The following HMBOX1 variants were observed in gnomAD, a reference collection of about 807,000 sequenced individuals.
HMBOX1 encodes the protein homeobox-containing protein 1.
A neutral mutation model predicts 54.5 loss-of-function variants in HMBOX1; 14 were observed. The ratio of observed to expected loss-of-function variants is 0.26; its 90% CI spans 0.17 to 0.40. The LOEUF is 0.40. Among genes scored for constraint, HMBOX1 ranks in the 10% least tolerant of loss-of-function variants. HMBOX1 has a pLI of 1.00. For synonymous variants in HMBOX1, 160 were observed against 181.0 expected (o/e 0.88, Z 0.93); for missense variants, 332 against 514.4 (o/e 0.65, Z 3.43).
intron 1 of HMBOX1, among the ~76,000 whole-genome samples, chr8:28,953,577 T>C (rs1000749037): frequency 2.0e-5 from 3 of 152,132 alleles, no homozygotes; most frequent in Admixed American, 1.3e-4. Context: ...TTTTTTTTTT[T>C]CCAGTGGTTA....
intron 1 of HMBOX1, among the ~76,000 whole-genome samples, chr8:28,909,689 C>CA (rs576665919): frequency 1.8e-4 from 27 of 148,158 alleles, no homozygotes; most frequent in Admixed American, 1.4e-3. Context: ...CTATGAAGAC[C>CA]AAAAAAAAAT....
At chr8:28,966,401 T>G (rs1416447577) in intron 2 of HMBOX1, among the ~76,000 whole-genome samples, 1 of 152,222 alleles carries the variant, frequency 6.6e-6, no homozygotes, top group Non-Finnish European at 1.5e-5. Flanking sequence ...ATTGTTGGCC[T>G]GAGTCTGCAT....
At chr8:28,988,463 G>C (rs142512894) in intron 4 of HMBOX1, among the ~76,000 whole-genome samples, 1 of 152,294 alleles carries the variant, frequency 6.6e-6, no homozygotes, top group East Asian at 1.9e-4. Context: ...TGGGATTGTG[G>C]GGTTGTTGGT....
intron 1 of HMBOX1, among the ~76,000 whole-genome samples, chr8:28,938,840 A>G (rs1043460818): frequency 6.6e-6 from 1 of 152,100 alleles, no homozygotes; most frequent in African/African-American, 2.4e-5. Context: ...CCTAGGGCAG[A>G]TGGCACCACC....
chr8:28,993,670 G>A (rs1831326213), intron 4 of HMBOX1, among the ~76,000 whole-genome samples: 1 of 151,966 alleles, frequency 6.6e-6, no homozygotes, highest in Non-Finnish European at 1.5e-5. Flanking sequence ...AAAAATTCCA[G>A]CACCAATTTT....
chr8:28,924,451 T>A lies in HMBOX1; in HGVS notation c.-58+33773T>A, dbSNP rs1378576815. ...TTTTGATGAAATACAATTTATCTAA[T>A]TTTTTTTTTTTTTTTTTTGGTTACC... On this transcript the variant is annotated intron_variant, in intron 1 of 9. Coordinates refer to ENST00000287701, the MANE Select transcript of HMBOX1 (RefSeq NM_001135726.3). Among the ~76,000 whole-genome samples the A allele has an allele frequency of 1.8e-4, 10 of 54,812 alleles. No homozygotes were observed. In the East Asian group the frequency reaches 3.3e-3, roughly 18 times the overall value. The allele number at this position is 54,812 out of a possible 152,430, so 36.0% of individuals were successfully genotyped here.
intron 3 of HMBOX1, among the ~76,000 whole-genome samples, chr8:28,973,845 C>T (rs1367213194): frequency 1.2e-5 from 1 of 86,130 alleles, no homozygotes. Context: ...GAGACAGTCT[C>T]GCTCTGTCAC....
At chr8:28,932,723 A>C (rs1316218941) in intron 1 of HMBOX1, among the ~76,000 whole-genome samples, 1 of 152,170 alleles carries the variant, frequency 6.6e-6, no homozygotes, top group Non-Finnish European at 1.5e-5. Context: ...ATGATTTTGA[A>C]GTTTGGTTGG....
At chr8:28,897,109 C>G (rs370540776) in intron 1 of HMBOX1, among the ~76,000 whole-genome samples, 4 of 151,866 alleles carry the variant, frequency 2.6e-5, no homozygotes, top group African/African-American at 9.7e-5. Flanking sequence ...CTCAGCCTTC[C>G]TGAGTAGCTG....
At chr8:29,014,572 C>T (rs1293066642) in intron 5 of HMBOX1, among the ~76,000 whole-genome samples, 2 of 152,012 alleles carry the variant, frequency 1.3e-5, no homozygotes, top group African/African-American at 4.8e-5. Context: ...GAAAAAGGAG[C>T]CAGAAAAAAA....
chr8:29,012,570 A>C (rs1480690196), intron 5 of HMBOX1, among the ~76,000 whole-genome samples: 2 of 152,360 alleles, frequency 1.3e-5, no homozygotes, highest in East Asian at 3.9e-4. Flanking sequence ...ATGCTTATCT[A>C]AGCATAGAAA....
chr8:28,916,607 A>G (rs1283628275), intron 1 of HMBOX1, among the ~76,000 whole-genome samples: 3 of 152,196 alleles, frequency 2.0e-5, no homozygotes, highest in Non-Finnish European at 4.4e-5. Context: ...TTTGTCAAAT[A>G]TTAATTGACC....
intron 3 of HMBOX1, among the ~76,000 whole-genome samples, chr8:28,977,394 T>G (rs1828576862): frequency 6.6e-6 from 1 of 152,186 alleles, no homozygotes; most frequent in Admixed American, 6.5e-5. Context: ...AATACTTTAT[T>G]TAAAAAGTTT....
intron 3 of HMBOX1, among the ~76,000 whole-genome samples, chr8:28,974,836 T>G (rs956156205): frequency 2.6e-5 from 4 of 152,198 alleles, no homozygotes; most frequent in Admixed American, 1.3e-4. Context: ...CAGGTGTTGC[T>G]TCATCTCTGA....
At chr8:29,002,920 C>G (rs1198659230) in intron 4 of HMBOX1, among the ~76,000 whole-genome samples, 2 of 151,992 alleles carry the variant, frequency 1.3e-5, no homozygotes, top group Non-Finnish European at 2.9e-5. Flanking sequence ...TAATTTTTCC[C>G]CTTTCATCTG....
At chr8:28,916,293 C>T (rs187533659) in intron 1 of HMBOX1, among the ~76,000 whole-genome samples, 1 of 152,314 alleles carries the variant, frequency 6.6e-6, no homozygotes, top group African/African-American at 2.4e-5. Context: ...ATCCATGATT[C>T]CTGCCACTGT....
intron 1 of HMBOX1, among the ~76,000 whole-genome samples, chr8:28,904,178 A>G: frequency 6.6e-6 from 1 of 151,882 alleles, no homozygotes. Flanking sequence ...TTTTTTTTTT[A>G]AATGGAGGAA....
chr8:28,947,773 C>G (rs534029357), intron 1 of HMBOX1, among the ~76,000 whole-genome samples: 134 of 152,222 alleles, frequency 8.8e-4, no homozygotes, highest in African/African-American at 3.2e-3. Flanking sequence ...CCCTCCTGCC[C>G]CCGCCCCTGA....
chr8:28,988,143 C>T (rs568362058), intron 4 of HMBOX1, among the ~76,000 whole-genome samples: 3 of 152,274 alleles, frequency 2.0e-5, no homozygotes, highest in African/African-American at 7.2e-5. Flanking sequence ...TATTGATTTG[C>T]CTTTTCTAGA....
Sources: gnomAD v4.1 joint callset for allele counts (sites outside exome capture counted in the v4.1 genomes callset) on GRCh38, gnomAD v4.1.1 for gene constraint, MANE v1.5 for transcripts, NCBI Gene and HGNC (gene_info 2026-07-23, HGNC 2026-07-21) for gene names.